Variants in LNX1 observed in about 807,000 individuals in gnomAD.
The protein encoded by LNX1 is E3 ubiquitin-protein ligase LNX.
LNX1 carries 54 observed loss-of-function variants against 68.4 expected under a neutral mutation model. The observed-to-expected ratio is 0.79, with a 90% CI of 0.63 to 0.99. The LOEUF is 0.99. Among genes scored for constraint, LNX1 ranks in the 50% least tolerant of loss-of-function variants. LNX1 has a pLI of 0.00. For synonymous variants in LNX1, 336 were observed against 350.0 expected (o/e 0.96, Z 0.45); for missense variants, 906 against 926.4 (o/e 0.98, Z 0.29).
chr4:53,490,409 G>C (rs1724602640), intron 6 of LNX1, among the ~76,000 whole-genome samples: 1 of 152,168 alleles, frequency 6.6e-6, no homozygotes, highest in African/African-American at 2.4e-5. Context: ...TGACAATGGA[G>C]AAAAATAAAA....
chr4:53,647,605 T>C (rs891767837), intron 1 of LNX1, among the ~76,000 whole-genome samples: 1 of 152,258 alleles, frequency 6.6e-6, no homozygotes, highest in African/African-American at 2.4e-5. Context: ...TTTTTACTTA[T>C]GGTAAAATAC....
chr4:53,605,608 A>G (rs1006801802), intron 2 of LNX1, among the ~76,000 whole-genome samples: 2 of 152,160 alleles, frequency 1.3e-5, no homozygotes, highest in African/African-American at 4.8e-5. Context: ...CACACCTGGT[A>G]ACCATCATTA....
chr4:53,629,922 ATTC>A (rs1734208269), intron 1 of LNX1, among the ~76,000 whole-genome samples: 1 of 152,166 alleles, frequency 6.6e-6, no homozygotes, highest in African/African-American at 2.4e-5. Context: ...CAATACATCA[ATTC>A]TTCTCATTCC....
intron 1 of LNX1, among the ~76,000 whole-genome samples, chr4:53,632,249 G>C (rs1015569440): frequency 6.6e-5 from 10 of 152,146 alleles, no homozygotes; most frequent in African/African-American, 2.4e-4. Context: ...CAGGACAGTG[G>C]TACTTTCTCT....
At position 53,472,689 on chromosome 4, in the gene LNX1, A is replaced by AC. The variant is rs1406147320; in HGVS notation, c.1892+4063_1892+4064insG. ...CAACAACAACAACAACAACAACAAA[A>AC]AAAAAAAAAACAAAAAACAATGGGG... On this transcript the variant is annotated intron_variant, in intron 9 of 10. Transcript: ENST00000263925. Among the ~76,000 whole-genome samples the AC allele has an allele frequency of 4.2e-3, 571 of 137,136 alleles. 3 individuals carry two copies. Among genetic ancestry groups the AC allele is most frequent in the Middle Eastern group, 7.3e-3 (2 of 274 alleles). The allele number at this position is 137,136 out of a possible 152,430, so 90.0% of individuals were successfully genotyped here.
chr4:53,512,153 T>G (rs1343172540), intron 2 of LNX1, among the ~76,000 whole-genome samples: 3 of 152,210 alleles, frequency 2.0e-5, no homozygotes, highest in African/African-American at 4.8e-5. Context: ...TGAGCAGTGC[T>G]GCTTGACTTA....
At chr4:53,630,955 G>C (rs1734244882) in intron 1 of LNX1, among the ~76,000 whole-genome samples, 1 of 152,212 alleles carries the variant, frequency 6.6e-6, no homozygotes. Context: ...GGGTGGATCA[G>C]GGCTTACCTG....
intron 2 of LNX1, among the ~76,000 whole-genome samples, chr4:53,543,409 A>G (rs7689262): frequency 0.96 from 146,754 of 152,314 alleles, 70,942 homozygotes; most frequent in Middle Eastern, 1. Flanking sequence ...TATGTCATAC[A>G]CATTTGATAA....
At chr4:53,651,159 T>C (rs1008714485) in intron 1 of LNX1, among the ~76,000 whole-genome samples, 2 of 152,192 alleles carry the variant, frequency 1.3e-5, no homozygotes, top group Admixed American at 6.5e-5. Flanking sequence ...CTCTGCCACA[T>C]GGACTTGGTG....
chr4:53,627,322 A>G (rs912388134), intron 1 of LNX1, among the ~76,000 whole-genome samples: 4 of 152,196 alleles, frequency 2.6e-5, no homozygotes, highest in African/African-American at 9.7e-5. Flanking sequence ...GTATGTGTTT[A>G]TCTTCCTTCC....
chr4:53,521,347 A>G (rs779822876), intron 2 of LNX1, among the ~76,000 whole-genome samples: 21 of 152,142 alleles, frequency 1.4e-4, no homozygotes, highest in Non-Finnish European at 2.5e-4. Context: ...AGACATTTGA[A>G]AACATTTCCT....
At chr4:53,550,330 G>C (rs932586229) in intron 2 of LNX1, among the ~76,000 whole-genome samples, 1 of 152,136 alleles carries the variant, frequency 6.6e-6, no homozygotes, top group Non-Finnish European at 1.5e-5. Context: ...GTTGGAATAT[G>C]ATTTCTCCAA....
intron 2 of LNX1, among the ~76,000 whole-genome samples, chr4:53,540,982 C>G (rs766936610): frequency 3.3e-5 from 5 of 151,104 alleles, no homozygotes; most frequent in South Asian, 2.1e-4. Context: ...TCTAAAAATA[C>G]AAAAATTAGT....
intron 2 of LNX1, among the ~76,000 whole-genome samples, chr4:53,571,545 G>A (rs1731172275): frequency 6.6e-6 from 1 of 152,198 alleles, no homozygotes. Context: ...GAAGCTGGAA[G>A]AGGCAAGGAA....
At chr4:53,649,564 C>T (rs1447662402) in intron 1 of LNX1, among the ~76,000 whole-genome samples, 1 of 152,252 alleles carries the variant, frequency 6.6e-6, no homozygotes, top group Non-Finnish European at 1.5e-5. Context: ...CCTCCTCTTG[C>T]CTCTGGCCCT....
At chr4:53,600,339 A>T (rs1732945472) in intron 2 of LNX1, among the ~76,000 whole-genome samples, 1 of 152,312 alleles carries the variant, frequency 6.6e-6, no homozygotes, top group South Asian at 2.1e-4. Flanking sequence ...ATGGAGTGGG[A>T]AAGGCAAAAG....
intron 2 of LNX1, among the ~76,000 whole-genome samples, chr4:53,567,642 A>G (rs1362922701): frequency 6.6e-6 from 1 of 152,090 alleles, no homozygotes; most frequent in Non-Finnish European, 1.5e-5. Context: ...AAATAACTAA[A>G]ATCAGAGCAG....
At chr4:53,466,136 G>C (rs1340017321) in intron 9 of LNX1, among the ~76,000 whole-genome samples, 1 of 121,144 alleles carries the variant, frequency 8.3e-6, no homozygotes, top group Non-Finnish European at 1.7e-5. Context: ...AGTAAAAGCA[G>C]CATAAACTTT....
chr4:53,486,601 T>G (rs12507739), intron 6 of LNX1, among the ~76,000 whole-genome samples: 5 of 151,814 alleles, frequency 3.3e-5, no homozygotes, highest in Non-Finnish European at 7.4e-5. Flanking sequence ...GGGAGTGCCA[T>G]GAAAGAGAAA....
Sources: allele counts gnomAD v4.1 joint callset (sites outside exome capture counted in the v4.1 genomes callset), GRCh38; gene constraint gnomAD v4.1.1; transcripts MANE v1.5; gene names NCBI Gene and HGNC (gene_info 2026-07-23, HGNC 2026-07-21).